MIPOL1: variants seen among roughly 807,000 people sequenced by gnomAD.
The protein encoded by MIPOL1 is mirror-image polydactyly gene 1 protein.
Under a neutral mutation model 60.9 loss-of-function variants are expected in MIPOL1, and 57 were observed. The observed-to-expected ratio is 0.94, with a 90% CI of 0.76 to 1.17. The LOEUF (loss-of-function observed/expected upper bound fraction) is 1.17. MIPOL1 is among the 50% of genes most tolerant of loss of function. MIPOL1 has a pLI of 0.00. For synonymous variants in MIPOL1, 179 were observed against 168.8 expected (o/e 1.06, Z -0.47); for missense variants, 551 against 511.6 (o/e 1.08, Z -0.74).
At chr14:37,295,638 G>A (rs1310803569) in intron 7 of MIPOL1, among the ~76,000 whole-genome samples, 1 of 152,060 alleles carries the variant, frequency 6.6e-6, no homozygotes, top group African/African-American at 2.4e-5. Flanking sequence ...AACAAAAAAA[G>A]GCAGGGGTTG....
intron 3 of MIPOL1, among the ~76,000 whole-genome samples, chr14:37,262,334 G>GA (rs1255926201): frequency 1.3e-5 from 2 of 151,704 alleles, no homozygotes; most frequent in African/African-American, 4.8e-5. Context: ...TTTGCCCATT[G>GA]AAAAAAGACA....
intron 1 of MIPOL1, among the ~76,000 whole-genome samples, chr14:37,219,374 T>C (rs370517110): frequency 6.6e-6 from 1 of 152,196 alleles, no homozygotes; most frequent in African/African-American, 2.4e-5. Context: ...TTATTTTTTA[T>C]GTTTTTGAGA....
At chr14:37,293,767 T>G (rs1371927503) in intron 7 of MIPOL1, among the ~76,000 whole-genome samples, 1 of 151,778 alleles carries the variant, frequency 6.6e-6, no homozygotes, top group Non-Finnish European at 1.5e-5. Flanking sequence ...TGGTGGGGGG[T>G]GCCCGCCATT....
chr14:37,214,445 G>A (rs955313417), intron 1 of MIPOL1, among the ~76,000 whole-genome samples: 2 of 152,178 alleles, frequency 1.3e-5, no homozygotes, highest in African/African-American at 4.8e-5. Context: ...AAGCCTCATT[G>A]TGGGCGGCAA....
At chr14:37,315,715 TC>T (rs1313348624) in intron 9 of MIPOL1, among the ~76,000 whole-genome samples, 5 of 152,164 alleles carry the variant, frequency 3.3e-5, no homozygotes, top group African/African-American at 1.2e-4. Context: ...TATGACATTC[TC>T]TTTTGGATAT....
At chr14:37,450,762 A>G (rs1257864067) in intron 11 of MIPOL1, among the ~76,000 whole-genome samples, 2 of 152,056 alleles carry the variant, frequency 1.3e-5, no homozygotes, top group Non-Finnish European at 2.9e-5. Flanking sequence ...AGATTCTTTC[A>G]TCTTTAAATT....
chr14:37,541,796 C>T (rs908692041), intron 12 of MIPOL1, among the ~76,000 whole-genome samples: 6 of 152,144 alleles, frequency 3.9e-5, no homozygotes, highest in African/African-American at 1.2e-4. Flanking sequence ...AAAAGTTAAC[C>T]AGTCGTAGTT....
intron 11 of MIPOL1, among the ~76,000 whole-genome samples, chr14:37,425,820 G>T (rs2093951374): frequency 6.6e-6 from 1 of 152,160 alleles, no homozygotes; most frequent in Non-Finnish European, 1.5e-5. Flanking sequence ...ACTATGATAA[G>T]GACCAAAGGT....
chr14:37,525,346 T>C (rs1043229285), intron 12 of MIPOL1, among the ~76,000 whole-genome samples: 2 of 152,198 alleles, frequency 1.3e-5, no homozygotes, highest in Non-Finnish European at 2.9e-5. Context: ...CCGACTTGGG[T>C]GAATCAAGGA....
chr14:37,388,735 G>A lies in MIPOL1; in HGVS notation c.936+19111G>A, dbSNP rs1194608043. Among the ~76,000 whole-genome samples, 3 of 152,094 alleles carry A rather than the reference G, an allele frequency of 2.0e-5. No homozygotes were observed. The East Asian group carries it at 5.8e-4, about 29-fold the overall frequency. On this transcript the variant is annotated intron_variant, in intron 10 of 12. Transcript: ENST00000684589. Reference sequence around the variant, plus strand: ...TTTTCTGGAATGCTATGCAAGTAGAGTCATATAATACCTACTCTTTTGTGT... The same window carrying A: ...TTTTCTGGAATGCTATGCAAGTAGAATCATATAATACCTACTCTTTTGTGT...
At chr14:37,420,936 A>T (rs1262674648) in intron 10 of MIPOL1, among the ~76,000 whole-genome samples, 1 of 152,158 alleles carries the variant, frequency 6.6e-6, no homozygotes, top group Non-Finnish European at 1.5e-5. Flanking sequence ...TAAAGTAAGG[A>T]TATCGTAAAG....
At chr14:37,418,910 T>C (rs902848850) in intron 10 of MIPOL1, among the ~76,000 whole-genome samples, 1 of 152,072 alleles carries the variant, frequency 6.6e-6, no homozygotes, top group African/African-American at 2.4e-5. Context: ...AACTTTATTA[T>C]CCATATAAAA....
intron 7 of MIPOL1, among the ~76,000 whole-genome samples, chr14:37,296,720 T>A (rs951132212): frequency 2.6e-5 from 4 of 152,250 alleles, no homozygotes; most frequent in Non-Finnish European, 5.9e-5. Context: ...ATGGATAAAT[T>A]CCTGGACACA....
chr14:37,471,648 G>A (rs905949339), intron 11 of MIPOL1, among the ~76,000 whole-genome samples: 1 of 152,004 alleles, frequency 6.6e-6, no homozygotes, highest in Non-Finnish European at 1.5e-5. Flanking sequence ...TATATTTCAG[G>A]AAGATTCTAT....
intron 9 of MIPOL1, among the ~76,000 whole-genome samples, chr14:37,341,779 T>C (rs2090592711): frequency 6.6e-6 from 1 of 152,202 alleles, no homozygotes; most frequent in Admixed American, 6.5e-5. Context: ...ATTAACTTTT[T>C]CTGTAGTTCT....
intron 9 of MIPOL1, among the ~76,000 whole-genome samples, chr14:37,354,900 C>G (rs1437286634): frequency 2.1e-5 from 1 of 47,494 alleles, no homozygotes; most frequent in African/African-American, 7.0e-5. Flanking sequence ...GCATTTAGTC[C>G]ATTTACATTT....
chr14:37,253,218 A>G (rs914083134), intron 3 of MIPOL1, among the ~76,000 whole-genome samples: 27 of 151,832 alleles, frequency 1.8e-4, no homozygotes, highest in South Asian at 4.1e-4. Context: ...GTAAAATGTT[A>G]TGGTGGAAAG....
rs1247284227 is a variant in MIPOL1, at chr14:37,516,556, A to G, written c.1262+16418A>G. Among the ~76,000 whole-genome samples the G allele has an allele frequency of 2.0e-5, 3 of 152,190 alleles. No individual in the cohort carries two copies. In the East Asian group the frequency reaches 5.8e-4, roughly 29 times the overall value. On this transcript the variant is annotated intron_variant, in intron 12 of 12. Transcript: ENST00000684589. ...TTAGTTCAAATGTTTTATTCTCAGA[A>G]TAGAACTTTTTCTCTCACCTTTTCA...
chr14:37,245,131 A>T (rs1447655568), intron 1 of MIPOL1, among the ~76,000 whole-genome samples: 2 of 152,168 alleles, frequency 1.3e-5, no homozygotes, highest in Non-Finnish European at 2.9e-5. Context: ...TGTCAGCTGG[A>T]ACACAAATGA....
Sources: gnomAD v4.1 joint callset for allele counts (sites outside exome capture counted in the v4.1 genomes callset) on GRCh38, gnomAD v4.1.1 for gene constraint, MANE v1.5 for transcripts, NCBI Gene and HGNC (gene_info 2026-07-23, HGNC 2026-07-21) for gene names.